Variants in CHL1 observed in about 807,000 individuals in gnomAD.
CHL1 encodes neural cell adhesion molecule L1-like protein.
A neutral mutation model predicts 141.9 loss-of-function variants in CHL1; 96 were observed. That is an observed-to-expected ratio of 0.68 (90% CI 0.57 to 0.80). The LOEUF (loss-of-function observed/expected upper bound fraction) is 0.80. CHL1 is among the 30% of genes least tolerant of loss of function. The pLI, the probability that CHL1 is intolerant of heterozygous loss-of-function variation, is 0.00. For missense variants in CHL1, 1,820 were observed against 1,457.2 expected, an observed-to-expected ratio of 1.25 and a Z score of -4.05; for synonymous variants, 613 against 502.2, an observed-to-expected ratio of 1.22 and a Z score of -2.95.
At chr3:251,076 AATATGGTGATTT>A (rs1306093879) in intron 2 of CHL1, among the ~76,000 whole-genome samples, 1 of 152,160 alleles carries the variant, frequency 6.6e-6, no homozygotes, top group East Asian at 1.9e-4. Flanking sequence ...TAAGCGCCAG[AATATGGTGATTT>A]GACCTGTGGT....
chr3:239,304 C>A (rs4003413), intron 1 of CHL1, among the ~76,000 whole-genome samples: 77,194 of 152,012 alleles, frequency 0.51, 21,266 homozygotes, highest in Non-Finnish European at 0.62. Context: ...ATACTATTAT[C>A]CCTTATTTAC....
intron 2 of CHL1, among the ~76,000 whole-genome samples, chr3:294,698 A>C (rs1206944126): frequency 8.0e-5 from 2 of 25,044 alleles, no homozygotes; most frequent in Non-Finnish European, 1.3e-4. Flanking sequence ...TGCCCATAAC[A>C]AAAAATGGAA....
chr3:257,323 A>C (rs1694261313), intron 2 of CHL1, among the ~76,000 whole-genome samples: 2 of 151,788 alleles, frequency 1.3e-5, no homozygotes, highest in African/African-American at 4.8e-5. Flanking sequence ...ACTAATTTTT[A>C]ACACCATCTC....
Position 407,057 on chromosome 3 carries a change from T to G in CHL1, c.*1346T>G, listed in dbSNP as rs1709573939. On this transcript the variant is annotated 3_prime_UTR_variant, in exon 28 of 28. Coordinates refer to ENST00000256509, the MANE Select transcript of CHL1 (RefSeq NM_006614.4). The stretch of plus-strand genomic sequence containing the variant: ...GAACAAATTCAGGGAATTTATTTTC[T>G]GGCAGTTGTGCTCCAGTCCTTTTAA... 1 of 152,154 alleles carries G rather than the reference T, an allele frequency of 6.6e-6. No individual in the cohort carries two copies. The highest frequency in any genetic ancestry group is 6.6e-5 in the Admixed American group (1 of 15,254). 9.4% of individuals were successfully genotyped at this position (152,154 alleles called of 1,614,324 possible). A position where few individuals can be genotyped will look rare whatever the true frequency, so the allele number is the denominator to read the frequency against.
chr3:214,919 A>T (rs1348127841), intron 1 of CHL1, among the ~76,000 whole-genome samples: 5 of 151,690 alleles, frequency 3.3e-5, no homozygotes, highest in African/African-American at 1.2e-4. Context: ...TTTAGAGATT[A>T]TAAAGCTGAG....
intron 2 of CHL1, among the ~76,000 whole-genome samples, chr3:277,290 G>C (rs1054217784): frequency 5.3e-5 from 8 of 151,852 alleles, no homozygotes; most frequent in African/African-American, 1.9e-4. Context: ...TATAATAGTA[G>C]CCACATCCTG....
rs200879014 is a variant in CHL1, at chr3:342,969, G to T, written c.680-15G>T. The T allele has an allele frequency of 3.1e-6, 5 of 1,593,416 alleles. No individual in the cohort carries two copies. In the African/African-American group the frequency reaches 4.1e-5, roughly 13 times the overall value. On this transcript the variant is annotated splice_polypyrimidine_tract_variant and intron_variant, in intron 7 of 27. Coordinates refer to ENST00000256509, the MANE Select transcript of CHL1 (RefSeq NM_006614.4). ...CATTATGTTTGTGTTTTTTCCTTCC[G>T]TTTTTTTATTTCAGTAAAGCATGCT...
intron 3 of CHL1, among the ~76,000 whole-genome samples, chr3:320,304 A>G (rs1700462412): frequency 1.3e-5 from 2 of 152,082 alleles, no homozygotes; most frequent in African/African-American, 4.8e-5. Context: ...AATGAAAACA[A>G]TGAATTAGCA....
At chr3:323,039 G>C (rs992006135) in intron 3 of CHL1, among the ~76,000 whole-genome samples, 1 of 151,882 alleles carries the variant, frequency 6.6e-6, no homozygotes, top group African/African-American at 2.4e-5. Flanking sequence ...TCTGCTATGC[G>C]TCAAAGTATT....
intron 2 of CHL1, among the ~76,000 whole-genome samples, chr3:316,248 A>T (rs1477439788): frequency 6.6e-6 from 1 of 152,002 alleles, no homozygotes. Flanking sequence ...CTTTGTTAGA[A>T]AATAATTTGG....
In CHL1 at chr3:325,957, A is replaced by T; in HGVS notation, c.92-2A>T. 6.3e-7 allele frequency: 1 copy of T among 1,594,832 alleles called. No homozygotes were observed. Among genetic ancestry groups the T allele is most frequent in the Non-Finnish European group, 8.6e-7 (1 of 1,165,322 alleles). ...TTTTTAAGTACATATTTTAATATTT[A>T]GTTCAACAGGTTCCAACAATCATAA... On this transcript the variant is annotated splice_acceptor_variant, in intron 3 of 27. Coordinates refer to ENST00000256509, the MANE Select transcript of CHL1 (RefSeq NM_006614.4). LOFTEE classifies it high-confidence loss of function.
intron 9 of CHL1, among the ~76,000 whole-genome samples, chr3:348,813 G>A (rs1702985966): frequency 1.3e-5 from 2 of 152,180 alleles, no homozygotes; most frequent in African/African-American, 4.8e-5. Flanking sequence ...GCTTGCCCTG[G>A]AATAGGCTGT....
chr3:254,558 G>C (rs1196905325), intron 2 of CHL1, among the ~76,000 whole-genome samples: 1 of 152,152 alleles, frequency 6.6e-6, no homozygotes, highest in Non-Finnish European at 1.5e-5. Context: ...AGACTATGCA[G>C]GGCCTTATAA....
chr3:381,261 G>T (rs144776446), intron 16 of CHL1, among the ~76,000 whole-genome samples: 2 of 152,172 alleles, frequency 1.3e-5, no homozygotes, highest in African/African-American at 4.8e-5. Flanking sequence ...AGACCCCAGA[G>T]CCTGATGCGA....
intron 2 of CHL1, among the ~76,000 whole-genome samples, chr3:245,565 G>A (rs1693086976): frequency 6.6e-6 from 1 of 152,152 alleles, no homozygotes; most frequent in Middle Eastern, 3.4e-3. Flanking sequence ...TGAAAGAATG[G>A]TTTTCTTACT....
intron 12 of CHL1, among the ~76,000 whole-genome samples, chr3:360,738 C>T (rs1160804711): frequency 8.0e-6 from 1 of 125,456 alleles, no homozygotes; most frequent in Non-Finnish European, 1.6e-5. Context: ...TATCCCGCCC[C>T]CCCTCCCCCC....
intron 2 of CHL1, among the ~76,000 whole-genome samples, chr3:280,684 A>G (rs908597818): frequency 3.9e-5 from 6 of 152,304 alleles, no homozygotes; most frequent in South Asian, 2.1e-4. Flanking sequence ...TATCACCTTT[A>G]CTACCACCAA....
intron 2 of CHL1, among the ~76,000 whole-genome samples, chr3:305,985 C>G (rs1329757648): frequency 1.3e-5 from 2 of 152,062 alleles, no homozygotes; most frequent in Non-Finnish European, 2.9e-5. Context: ...GTAAACTGCA[C>G]ATTATATCCA....
intron 16 of CHL1, among the ~76,000 whole-genome samples, chr3:379,850 C>G (rs567471659): frequency 6.6e-6 from 1 of 151,794 alleles, no homozygotes. Flanking sequence ...AAGCATCTCT[C>G]GACAATTGAC....
Sources: gnomAD v4.1 joint callset for allele counts (sites outside exome capture counted in the v4.1 genomes callset) on GRCh38, gnomAD v4.1.1 for gene constraint, MANE v1.5 for transcripts, NCBI Gene and HGNC (gene_info 2026-07-23, HGNC 2026-07-21) for gene names.